NRG3: variants seen among roughly 807,000 people sequenced by gnomAD.
The protein encoded by NRG3 is neuregulin 3, also known as pro-neuregulin-3, membrane-bound isoform.
Under a neutral mutation model 66.9 loss-of-function variants are expected in NRG3, and 31 were observed. That is an observed-to-expected ratio of 0.46 (90% CI 0.35 to 0.63). The LOEUF is 0.63. Ranked by LOEUF, NRG3 falls within the 20% of genes least tolerant of loss-of-function variation. NRG3 has a pLI of 0.00. For synonymous variants in NRG3, 393 were observed against 359.4 expected, an observed-to-expected ratio of 1.09 and a Z score of -1.06; for missense variants, 910 against 878.9, an observed-to-expected ratio of 1.04 and a Z score of -0.45.
At chr10:82,227,929 G>C (rs2076249899) in intron 1 of NRG3, among the ~76,000 whole-genome samples, 1 of 152,098 alleles carries the variant, frequency 6.6e-6, no homozygotes, top group Non-Finnish European at 1.5e-5. Context: ...CTTAATTTAA[G>C]TTTCCTCAAG....
intron 2 of NRG3, among the ~76,000 whole-genome samples, chr10:82,532,409 C>A (rs117908844): frequency 6.7e-6 from 1 of 149,846 alleles, no homozygotes; most frequent in Non-Finnish European, 1.5e-5. Context: ...ATATATAGTA[C>A]AATACATATA....
At chr10:82,081,410 T>C (rs1018374214) in intron 1 of NRG3, among the ~76,000 whole-genome samples, 4 of 152,150 alleles carry the variant, frequency 2.6e-5, no homozygotes, top group African/African-American at 9.7e-5. Context: ...TTTCCACTTG[T>C]GGTCCCTAAA....
chr10:82,340,611 C>T (rs1051532632), intron 1 of NRG3, among the ~76,000 whole-genome samples: 2 of 152,128 alleles, frequency 1.3e-5, no homozygotes, highest in South Asian at 4.1e-4. Context: ...AATGTTTAGA[C>T]ATTAATTCAA....
At position 82,553,409 on chromosome 10, in the gene NRG3, T is replaced by G. The variant is rs1019634854; in HGVS notation, c.954-185168T>G. 3.9e-5 allele frequency among the ~76,000 whole-genome samples: 6 copies of G among 152,124 alleles called. No individual in the cohort carries two copies. In the East Asian group the frequency reaches 1.2e-3, roughly 29 times the overall value. ...ATGTATGGATCTAAATTCTCTTTTA[T>G]ATCATATCCATCTTTCTTTGGAGTC... On this transcript the variant is annotated intron_variant, in intron 2 of 8. Transcript: ENST00000372141.
intron 3 of NRG3, among the ~76,000 whole-genome samples, chr10:82,759,023 C>T (rs1011948741): frequency 5.3e-5 from 8 of 152,160 alleles, no homozygotes; most frequent in South Asian, 4.2e-4. Flanking sequence ...AATTTGATCC[C>T]CAATGGGGCA....
At chr10:82,691,082 C>A (rs1267233031) in intron 2 of NRG3, among the ~76,000 whole-genome samples, 1 of 152,080 alleles carries the variant, frequency 6.6e-6, no homozygotes, top group Non-Finnish European at 1.5e-5. Context: ...GCTTATGATG[C>A]ACCCGAATCA....
chr10:82,960,811 C>T (rs910365011), intron 6 of NRG3, among the ~76,000 whole-genome samples: 1 of 152,054 alleles, frequency 6.6e-6, no homozygotes, highest in Non-Finnish European at 1.5e-5. Flanking sequence ...GTGACCCCCA[C>T]CCCTGCCCAC....
In NRG3 at chr10:81,875,475, G is replaced by T. The variant is rs1841534367; in HGVS notation, c.135G>T (p.Ala45=). The change falls in exon 1 of 9, where the codon GCG becomes GCT. Residue 45 remains alanine (A), a synonymous_variant. Transcript: ENST00000372141. This position sits in a 1 kb window ranked among gnomAD's most constrained non-coding sequence, Gnocchi z 5.3. Reference sequence around the variant, plus strand: ...GCCCGGACGGCGGCGGCGAAGGGGCGGCCGAGCCCCCCCGGGAGTTACGCT... The same window carrying T: ...GCCCGGACGGCGGCGGCGAAGGGGCTGCCGAGCCCCCCCGGGAGTTACGCT... ...GGGPDGGGEG[A]AEPPRELRCS... is the part of the protein sequence containing the mutation. The T allele has an allele frequency of 7.7e-7, 1 of 1,302,332 alleles. No individual in the cohort carries two copies. Among genetic ancestry groups the T allele is most frequent in the Non-Finnish European group, 9.8e-7 (1 of 1,019,868 alleles). The allele number at this position is 1,302,332 out of a possible 1,614,324, so 80.7% of individuals were successfully genotyped here. A position where few individuals can be genotyped will look rare whatever the true frequency, so the allele number is the denominator to read the frequency against.
chr10:82,062,723 A>G, intron 1 of NRG3, among the ~76,000 whole-genome samples: 1 of 152,150 alleles, frequency 6.6e-6, no homozygotes, highest in East Asian at 1.9e-4. Flanking sequence ...CTCCCTTTTG[A>G]TGATGCTACT....
intron 1 of NRG3, among the ~76,000 whole-genome samples, chr10:82,219,878 A>G (rs983947270): frequency 6.6e-6 from 1 of 152,078 alleles, no homozygotes; most frequent in Non-Finnish European, 1.5e-5. Context: ...TGAAAAAGGG[A>G]ATAATACAGT....
intron 2 of NRG3, among the ~76,000 whole-genome samples, chr10:82,422,809 A>G (rs553952676): frequency 9.2e-5 from 14 of 152,132 alleles, no homozygotes; most frequent in African/African-American, 2.9e-4. Context: ...ACAGTTGTCA[A>G]CTAAAAATGG....
intron 1 of NRG3, among the ~76,000 whole-genome samples, chr10:82,152,199 A>T (rs545902883): frequency 3.0e-4 from 45 of 152,340 alleles, no homozygotes; most frequent in Non-Finnish European, 4.4e-5. Context: ...AACCGTATTT[A>T]CAAAAAGGGA....
intron 1 of NRG3, among the ~76,000 whole-genome samples, chr10:82,264,513 C>T (rs993897916): frequency 2.0e-5 from 3 of 151,982 alleles, no homozygotes; most frequent in Non-Finnish European, 4.4e-5. Flanking sequence ...CAGAGCCAAA[C>T]CATATAATCC....
chr10:81,941,736 G>A (rs1285713952), intron 1 of NRG3, among the ~76,000 whole-genome samples: 1 of 152,100 alleles, frequency 6.6e-6, no homozygotes, highest in Non-Finnish European at 1.5e-5. Context: ...GGGGCATTCT[G>A]GGGAAATCTG....
chr10:82,650,834 A>G (rs2051354594), intron 2 of NRG3, among the ~76,000 whole-genome samples: 1 of 152,150 alleles, frequency 6.6e-6, no homozygotes, highest in African/African-American at 2.4e-5. Flanking sequence ...TTATAAAAGA[A>G]GCAGATGCCA....
chr10:82,850,814 T>C (rs2063526171), intron 3 of NRG3, among the ~76,000 whole-genome samples: 1 of 152,056 alleles, frequency 6.6e-6, no homozygotes, highest in South Asian at 2.1e-4. Context: ...AATTTTGAAA[T>C]ATAGTAAGTT....
chr10:81,876,188 ATGATTTACTAC>A, intron 1 of NRG3, 25 bp downstream of exon 1: 1 of 1,549,230 alleles, frequency 6.5e-7, no homozygotes, highest in Non-Finnish European at 8.7e-7. Flanking sequence ...TGTCTCAACT[ATGATTTACTAC>A]TGAGTTTCCC....
chr10:82,624,126 A>G (rs1472845517), intron 2 of NRG3, among the ~76,000 whole-genome samples: 2 of 152,208 alleles, frequency 1.3e-5, no homozygotes, highest in African/African-American at 4.8e-5. Context: ...GATAAGTGGC[A>G]CACGTTTACT....
intron 5 of NRG3, among the ~76,000 whole-genome samples, chr10:82,957,192 A>G (rs1364971058): frequency 6.6e-6 from 1 of 151,966 alleles, no homozygotes; most frequent in Non-Finnish European, 1.5e-5. Flanking sequence ...ACATGCAGCC[A>G]CCACAGTGTC....
Sources: allele counts gnomAD v4.1 joint callset (sites outside exome capture counted in the v4.1 genomes callset), GRCh38; gene constraint gnomAD v4.1.1; non-coding constraint Gnocchi (gnomAD v3.1); transcripts MANE v1.5; gene names NCBI Gene and HGNC (gene_info 2026-07-23, HGNC 2026-07-21).